RPH3AL: variants seen among roughly 807,000 people sequenced by gnomAD.
RPH3AL encodes rabphilin 3A like (without C2 domains).
In RPH3AL, 38 loss-of-function variants were observed where a neutral mutation model predicts 43.1. The ratio of observed to expected loss-of-function variants is 0.88; its 90% CI spans 0.68 to 1.15. RPH3AL has a LOEUF of 1.15. Among genes scored for constraint, RPH3AL ranks in the 50% most tolerant of loss-of-function variants. The pLI is 0.00. For synonymous variants in RPH3AL, 189 were observed against 176.3 expected (o/e 1.07, Z -0.57); for missense variants, 462 against 423.2 (o/e 1.09, Z -0.81).
chr17:277,839 C>T (rs1259186812), intron 6 of RPH3AL, among the ~76,000 whole-genome samples: 2 of 152,060 alleles, frequency 1.3e-5, no homozygotes, highest in African/African-American at 2.4e-5. Flanking sequence ...CCTGTAGTCC[C>T]AGCTATTCGG....
In RPH3AL at chr17:247,252, C is replaced by G. The variant is rs1053708818; in HGVS notation, c.472G>C (p.Gly158Arg). ...WKRSGAWFYK[G>R]LPKYILPLKT... Reference sequence around the variant, plus strand: ...AGGGGCAAGATATACTTGGGGAGCCCTTTGTAGAACCAGGCCCCCGACCTC... The same window carrying G: ...AGGGGCAAGATATACTTGGGGAGCCGTTTGTAGAACCAGGCCCCCGACCTC... Residue 158 changes from glycine (G) to arginine (R), a missense_variant, in exon 7 of 10, where the codon GGG (glycine) becomes CGG (arginine). Gly to Arg is a moderately radical substitution (Grantham distance 125). Transcript: ENST00000331302. 15 of 1,603,882 alleles carry G rather than the reference C, an allele frequency of 9.4e-6. No homozygotes were observed. Among genetic ancestry groups the G allele is most frequent in the Non-Finnish European group, 1.3e-5 (15 of 1,174,050 alleles).
At chr17:227,284 C>CA (rs2041128533) in intron 7 of RPH3AL, among the ~76,000 whole-genome samples, 1 of 152,200 alleles carries the variant, frequency 6.6e-6, no homozygotes, top group Non-Finnish European at 1.5e-5. Context: ...GCTGGGTTTG[C>CA]AATTTGACTG....
chr17:265,432 T>A (rs2042297367), intron 6 of RPH3AL, among the ~76,000 whole-genome samples: 1 of 152,146 alleles, frequency 6.6e-6, no homozygotes, highest in South Asian at 2.1e-4. Flanking sequence ...AAGTATAGCT[T>A]TGAATATTCA....
At chr17:337,058 G>A (rs2044976640) in intron 1 of RPH3AL, among the ~76,000 whole-genome samples, 1 of 152,150 alleles carries the variant, frequency 6.6e-6, no homozygotes, top group Non-Finnish European at 1.5e-5. Flanking sequence ...CCCTTCAGGG[G>A]ACTAATTTAA....
intron 5 of RPH3AL, among the ~76,000 whole-genome samples, chr17:304,961 G>A (rs1233713177): frequency 2.9e-4 from 17 of 58,156 alleles, no homozygotes; most frequent in African/African-American, 1.1e-3. Context: ...GGGGGACAGG[G>A]CGAGAGGGGG....
chr17:299,720 C>A (rs964928974), intron 5 of RPH3AL, among the ~76,000 whole-genome samples: 1 of 152,232 alleles, frequency 6.6e-6, no homozygotes, highest in African/African-American at 2.4e-5. Flanking sequence ...GGCACGGGGC[C>A]GCGCCGGACT....
At chr17:227,830 A>G (rs1405292780) in intron 7 of RPH3AL, among the ~76,000 whole-genome samples, 5 of 152,220 alleles carry the variant, frequency 3.3e-5, no homozygotes, top group Admixed American at 2.0e-4. Context: ...TTCAGCAAAC[A>G]TTCTGCCAAG....
intron 6 of RPH3AL, among the ~76,000 whole-genome samples, chr17:277,042 T>C (rs9915647): frequency 0.16 from 24,111 of 151,786 alleles, 2,068 homozygotes; most frequent in Middle Eastern, 0.3. Context: ...AACTCAAGAG[T>C]CTACAAGAAA....
chr17:331,933 G>C (rs1324546805), intron 2 of RPH3AL: 1 of 1,224,078 alleles, frequency 8.2e-7, no homozygotes. Flanking sequence ...TATAGAAGGT[G>C]AGTGGAAAAG....
chr17:324,710 C>CTAT (rs1204379795), intron 3 of RPH3AL, among the ~76,000 whole-genome samples: 11,498 of 151,052 alleles, frequency 0.076, 520 homozygotes, highest in African/African-American at 0.11. Flanking sequence ...TAGCTATGTA[C>CTAT]CTATCTATCT....
At chr17:217,885 C>T (rs2040846813) in intron 8 of RPH3AL, among the ~76,000 whole-genome samples, 1 of 119,780 alleles carries the variant, frequency 8.3e-6, no homozygotes, top group Admixed American at 7.9e-5. Context: ...AATCAGGACC[C>T]CCAAGGCATT....
chr17:314,520 G>C (rs60997197), intron 5 of RPH3AL, among the ~76,000 whole-genome samples: 2 of 129,058 alleles, frequency 1.5e-5, no homozygotes, highest in African/African-American at 3.1e-5. Context: ...TTGACCTGTA[G>C]TCCCTGTGAC....
chr17:327,355 C>A, intron 3 of RPH3AL, 112 bp downstream of exon 3: 1 of 946,486 alleles, frequency 1.1e-6, no homozygotes, highest in Non-Finnish European at 1.7e-6. Flanking sequence ...CCGACAGGCA[C>A]CTCTCTCCAA....
rs1176225200 is a variant in RPH3AL, at chr17:249,275, G to A, written c.439-1990C>T. On this transcript the variant is annotated intron_variant, in intron 6 of 9. Transcript: ENST00000331302. Reference sequence around the variant, plus strand: ...GGGCAGGCCAAGGTTCCGAGCCGACGTCCTGAATCTGAATCCTGGGTCTGG... The same window carrying A: ...GGGCAGGCCAAGGTTCCGAGCCGACATCCTGAATCTGAATCCTGGGTCTGG... Among the ~76,000 whole-genome samples, 6 of 152,090 alleles carry A rather than the reference G, an allele frequency of 3.9e-5. No individual in the cohort carries two copies. In the East Asian group the frequency reaches 5.8e-4, roughly 15 times the overall value.
intron 7 of RPH3AL, among the ~76,000 whole-genome samples, chr17:233,179 G>A (rs998906528): frequency 5.3e-5 from 8 of 152,082 alleles, no homozygotes; most frequent in Admixed American, 2.0e-4. Context: ...GGGCCAACAT[G>A]GAAATGGGGC....
chr17:310,099 G>T (rs2043606192), intron 5 of RPH3AL, among the ~76,000 whole-genome samples: 1 of 151,948 alleles, frequency 6.6e-6, no homozygotes, highest in South Asian at 2.1e-4. Context: ...CCAGGCTCAG[G>T]CGGGCTCTGC....
At chr17:310,518 C>A (rs951720337) in intron 5 of RPH3AL, among the ~76,000 whole-genome samples, 1 of 152,150 alleles carries the variant, frequency 6.6e-6, no homozygotes, top group African/African-American at 2.4e-5. Context: ...CTCCCAGGGC[C>A]CCAGGCTGCA....
chr17:248,030 C>T (rs1010928660), intron 6 of RPH3AL, among the ~76,000 whole-genome samples: 1 of 151,160 alleles, frequency 6.6e-6, no homozygotes, highest in African/African-American at 2.4e-5. Context: ...AAGCTCTCCT[C>T]CCTGCCAGCT....
rs149955971 is a variant in RPH3AL, at chr17:325,045, G to C, written c.77+2422C>G. Among the ~76,000 whole-genome samples, 439 of 152,114 alleles carry C rather than the reference G, an allele frequency of 2.9e-3. 3 individuals carry two copies. The highest frequency in any genetic ancestry group is 9.5e-3 in the African/African-American group (394 of 41,474). On this transcript the variant is annotated intron_variant, in intron 3 of 9. Transcript: ENST00000331302. ...GGCTAATTTTTGTATTTTTAGGAGA[G>C]ACAGGGTTTCACCGCGTTGGTCAGG...
Sources: allele counts gnomAD v4.1 joint callset (sites outside exome capture counted in the v4.1 genomes callset), GRCh38; gene constraint gnomAD v4.1.1; transcripts MANE v1.5; gene names NCBI Gene and HGNC (gene_info 2026-07-23, HGNC 2026-07-21).